Variants in ACOT7 observed in about 807,000 individuals in gnomAD.
ACOT7 encodes the protein cytosolic acyl coenzyme A thioester hydrolase.
A neutral mutation model predicts 40.2 loss-of-function variants in ACOT7; 12 were observed. That is an observed-to-expected ratio of 0.30 (90% CI 0.19 to 0.48). The LOEUF (loss-of-function observed/expected upper bound fraction) is 0.48. Ranked by LOEUF, ACOT7 falls within the 20% of genes least tolerant of loss-of-function variation. ACOT7 has a pLI of 0.99. For synonymous variants in ACOT7, 228 were observed against 219.5 expected (o/e 1.04, Z -0.34); for missense variants, 395 against 530.8 (o/e 0.74, Z 2.51).
At chr1:6,315,541 G>A (rs111840092) in intron 6 of ACOT7, among the ~76,000 whole-genome samples, 10,625 of 152,032 alleles carry the variant, frequency 0.07, 863 homozygotes, top group African/African-American at 0.2. Context: ...CACGGGGTCA[G>A]GAGATCGAGA....
In ACOT7 at chr1:6,339,419, G is replaced by C; in HGVS notation, c.418+14C>G. ...CCTTACTGCTCCAGTCAACACTGTCGCTCCCAGAAGTACCTGTGAGGATGT... is the reference window on the plus strand; with the variant it reads ...CCTTACTGCTCCAGTCAACACTGTCCCTCCCAGAAGTACCTGTGAGGATGT... On this transcript the variant is annotated intron_variant, in intron 3 of 8. Transcript: ENST00000361521. 1 of 1,612,326 alleles carries C rather than the reference G, an allele frequency of 6.2e-7. No homozygotes were observed. The highest frequency in any genetic ancestry group is 8.5e-7 in the Non-Finnish European group (1 of 1,179,964).
intron 5 of ACOT7, among the ~76,000 whole-genome samples, chr1:6,324,735 A>G (rs1429547826): frequency 1.3e-5 from 2 of 152,220 alleles, no homozygotes; most frequent in Non-Finnish European, 2.9e-5. Context: ...TAGGCTAGAC[A>G]TAGCCTCTTC....
chr1:6,330,004 A>G lies in ACOT7; in HGVS notation c.511-2591T>C, dbSNP rs535739827. Among the ~76,000 whole-genome samples, 1 of 152,246 alleles carries G rather than the reference A, an allele frequency of 6.6e-6. No individual in the cohort carries two copies. The highest frequency in any genetic ancestry group is 1.5e-5 in the Non-Finnish European group (1 of 68,010). Reference sequence around the variant, plus strand: ...CATCCTGCGCTAGACGACTGTGCGCATGGCCGGCAGCTGGGTTCCTCCAGG... The same window carrying G: ...CATCCTGCGCTAGACGACTGTGCGCGTGGCCGGCAGCTGGGTTCCTCCAGG... On this transcript the variant is annotated intron_variant, in intron 4 of 8. Transcript: ENST00000361521. This position sits in a 1 kb window ranked among gnomAD's most constrained non-coding sequence, Gnocchi z 4.6.
At chr1:6,354,733 CTGGCCTCTAGCCCCCCCATGGCCTCTACA>C (rs1641695421) in intron 1 of ACOT7, among the ~76,000 whole-genome samples, 1 of 67,896 alleles carries the variant, frequency 1.5e-5, no homozygotes, top group Non-Finnish European at 2.8e-5. Flanking sequence ...GGCCTCTACA[CTGGCCTCTAGCCCCCCCATGGCCTCTACA>C]CTGGCCTCTA....
intron 6 of ACOT7, among the ~76,000 whole-genome samples, chr1:6,296,140 C>T (rs1639804677): frequency 6.6e-6 from 1 of 152,088 alleles, no homozygotes; most frequent in African/African-American, 2.4e-5. Context: ...AAACGATCTG[C>T]CCACCTCACC....
chr1:6,328,669 G>A (rs986443512), intron 4 of ACOT7, among the ~76,000 whole-genome samples: 9 of 152,134 alleles, frequency 5.9e-5, no homozygotes, highest in African/African-American at 2.2e-4. Context: ...GCGACAGAGC[G>A]AGACTCCGTC....
chr1:6,340,266 TAG>T (rs1641241044), intron 2 of ACOT7, among the ~76,000 whole-genome samples: 2 of 152,086 alleles, frequency 1.3e-5, no homozygotes, highest in African/African-American at 4.8e-5. Context: ...GCGCCCGGCC[TAG>T]CACCGCGCAT....
chr1:6,280,939 G>A (rs1216461855), intron 8 of ACOT7, among the ~76,000 whole-genome samples, 163 bp downstream of exon 8: 2 of 152,206 alleles, frequency 1.3e-5, no homozygotes, highest in East Asian at 3.9e-4. Context: ...CAGCCCCGCA[G>A]CCCGAGGTCA....
rs1265468760 is a variant in ACOT7, at chr1:6,281,222, C to A, written c.894G>T (p.Val298=). The change falls in exon 8 of 9, where the codon GTG becomes GTT. Residue 298 remains valine, a synonymous_variant. Coordinates refer to ENST00000361521, the MANE Select transcript of ACOT7 (RefSeq NM_007274.4). ...FTSNKSMEIE[V]LVDADPVVDS... is the part of the protein sequence containing the mutation. Reference sequence around the variant, plus strand: ...CCACAACAGGGTCGGCGTCCACCAACACCTCGATCTCCATGGACTTATTGC... The same window carrying A: ...CCACAACAGGGTCGGCGTCCACCAAAACCTCGATCTCCATGGACTTATTGC... 6.2e-7 allele frequency: 1 copy of A among 1,614,062 alleles called. No individual in the cohort carries two copies. Among genetic ancestry groups the A allele is most frequent in the African/African-American group, 1.3e-5 (1 of 74,950 alleles).
chr1:6,356,842 C>A (rs1006322360), intron 1 of ACOT7, among the ~76,000 whole-genome samples: 9 of 151,608 alleles, frequency 5.9e-5, no homozygotes, highest in African/African-American at 2.2e-4. Context: ...TTGTTTGAAC[C>A]CAGGAGGCGG....
At chr1:6,310,759 AGTCTTGTTCTGTCACCCAG>A (rs1452035971) in intron 6 of ACOT7, among the ~76,000 whole-genome samples, 4 of 151,970 alleles carry the variant, frequency 2.6e-5, no homozygotes, top group Non-Finnish European at 5.9e-5. Context: ...TTTGAGACAG[AGTCTTGTTCTGTCACCCAG>A]GCTGGATGGA....
At chr1:6,300,572 G>T (rs12083855) in intron 6 of ACOT7, among the ~76,000 whole-genome samples, 1 of 146,288 alleles carries the variant, frequency 6.8e-6, no homozygotes, top group East Asian at 2.0e-4. Context: ...ATCCTGATGC[G>T]CGGCCGGCCC....
chr1:6,294,192 C>T lies in ACOT7; in HGVS notation c.829+672G>A, dbSNP rs892489024. On this transcript the variant is annotated intron_variant, in intron 7 of 8. Transcript: ENST00000361521. The surrounding 1 kb of genome is among the most constrained non-coding windows in gnomAD (Gnocchi z 4.6). Reference sequence around the variant, plus strand: ...TGCACGGCCTCATCTCAGCAGACGTCACACTGACAAAAATCACCACGTGTC... The same window carrying T: ...TGCACGGCCTCATCTCAGCAGACGTTACACTGACAAAAATCACCACGTGTC... 2.0e-5 allele frequency among the ~76,000 whole-genome samples: 3 copies of T among 152,250 alleles called. No homozygotes were observed. The highest frequency in any genetic ancestry group is 7.2e-5 in the African/African-American group (3 of 41,468).
chr1:6,360,450 C>G (rs1323477017), intron 1 of ACOT7: 1 of 1,383,952 alleles, frequency 7.2e-7, no homozygotes, highest in Non-Finnish European at 1.0e-6. Flanking sequence ...GCCGGCATCC[C>G]AGGGCCAGGG....
rs1641180336 is a variant in ACOT7, at chr1:6,338,799, C to A, written c.418+634G>T. On this transcript the variant is annotated intron_variant, in intron 3 of 8. Coordinates refer to ENST00000361521, the MANE Select transcript of ACOT7 (RefSeq NM_007274.4). This position sits in a 1 kb window ranked among gnomAD's most constrained non-coding sequence, Gnocchi z 4.4. ...ACCAGGGGCAGGGGAAGAGGCCCGC[C>A]TTCCCCCTCACCTCCCGTCCCCAGC... 1.3e-5 allele frequency among the ~76,000 whole-genome samples: 2 copies of A among 152,168 alleles called. No individual in the cohort carries two copies. Among genetic ancestry groups the A allele is most frequent in the Non-Finnish European group, 2.9e-5 (2 of 68,024 alleles).
chr1:6,299,544 CACAGAGG>C lies in ACOT7; in HGVS notation c.713-4571_713-4565del, dbSNP rs1186209695. On this transcript the variant is annotated intron_variant, in intron 6 of 8. Transcript: ENST00000361521. The surrounding 1 kb of genome is among the most constrained non-coding windows in gnomAD (Gnocchi z 4.1). Reference sequence around the variant, plus strand: ...CTTACCAGGCACCACACACAGAGGGCACAGAGGACAGTCGGCCTCCCCTTACCGGACG... The same window carrying C: ...CTTACCAGGCACCACACACAGAGGGCACAGTCGGCCTCCCCTTACCGGACG... Among the ~76,000 whole-genome samples the C allele has an allele frequency of 6.6e-6, 1 of 151,930 alleles. No homozygotes were observed. The highest frequency in any genetic ancestry group is 1.5e-5 in the Non-Finnish European group (1 of 67,978).
At chr1:6,318,656 A>G in intron 5 of ACOT7, 78 bp from the exon 6 acceptor site, 2 of 1,431,256 alleles carry the variant, frequency 1.4e-6, no homozygotes, top group Middle Eastern at 1.8e-4. Context: ...TGCCGAAACC[A>G]CCCTCAGGTC....
In ACOT7 at chr1:6,352,823, G is replaced by A. The variant is rs1041978284; in HGVS notation, c.144-2957C>T. 3.3e-5 allele frequency among the ~76,000 whole-genome samples: 5 copies of A among 151,830 alleles called. No homozygotes were observed. The South Asian group carries it at 8.3e-4, about 25-fold the overall frequency. ...TGGTCTTGATCTCCTGACCTCGTTC[G>A]TGATCCCATTTCTAATAAAGACACG... is the stretch of plus-strand genomic sequence containing the variant. On this transcript the variant is annotated intron_variant, in intron 1 of 8. Transcript: ENST00000361521. This position sits in a 1 kb window ranked among gnomAD's most constrained non-coding sequence, Gnocchi z 4.5.
At chr1:6,360,610 T>C (rs763818451) in intron 1 of ACOT7, 1 of 1,614,188 alleles carries the variant, frequency 6.2e-7, no homozygotes, top group Non-Finnish European at 8.5e-7. Context: ...TCGACTTCCT[T>C]TCTGAGGACG....
Sources: allele counts gnomAD v4.1 joint callset (sites outside exome capture counted in the v4.1 genomes callset), GRCh38; gene constraint gnomAD v4.1.1; non-coding constraint Gnocchi (gnomAD v3.1); transcripts MANE v1.5; gene names NCBI Gene and HGNC (gene_info 2026-07-23, HGNC 2026-07-21).